Variants in BAZ2B observed in about 807,000 individuals in gnomAD.
BAZ2B encodes bromodomain adjacent to zinc finger domain 2B.
A neutral mutation model predicts 246.0 loss-of-function variants in BAZ2B; 91 were observed. The ratio of observed to expected loss-of-function variants is 0.37; its 90% confidence interval spans 0.31 to 0.44. The LOEUF (loss-of-function observed/expected upper bound fraction) is 0.44. Ranked by LOEUF, BAZ2B falls within the 20% of genes least tolerant of loss-of-function variation. BAZ2B has a pLI of 1.00. For synonymous variants in BAZ2B, 855 were observed against 860.0 expected, an observed-to-expected ratio of 0.99 and a Z score of 0.10; for missense variants, 2,332 against 2,533.7, an observed-to-expected ratio of 0.92 and a Z score of 1.71.
intron 21 of BAZ2B, among the ~76,000 whole-genome samples, 194 bp from the exon 22 acceptor site, chr2:159,386,801 G>A (rs1489530848): frequency 6.6e-6 from 1 of 152,002 alleles, no homozygotes; most frequent in Non-Finnish European, 1.5e-5. Context: ...GTGTCTTGAA[G>A]TATCTTCATA....
chr2:159,629,509 T>C, the BAZ2B span, among the ~76,000 whole-genome samples: 1 of 152,094 alleles, frequency 6.6e-6, no homozygotes, highest in Non-Finnish European at 1.5e-5. Flanking sequence ...AAAGGATGAG[T>C]TCATGTCCTT....
intron 6 of BAZ2B, among the ~76,000 whole-genome samples, chr2:159,443,775 CTT>C (rs2073846498): frequency 6.6e-6 from 1 of 152,090 alleles, no homozygotes; most frequent in African/African-American, 2.4e-5. Flanking sequence ...AGAGGTGCCT[CTT>C]TGAGTTTTCA....
chr2:159,706,538 G>T, the BAZ2B span, among the ~76,000 whole-genome samples: 1 of 152,168 alleles, frequency 6.6e-6, no homozygotes, highest in African/African-American at 2.4e-5. Context: ...GTGTGTGCGT[G>T]TGTGTTTGTG....
intron 25 of BAZ2B, among the ~76,000 whole-genome samples, chr2:159,380,728 A>G (rs1559180824): frequency 6.6e-6 from 1 of 152,190 alleles, no homozygotes; most frequent in African/African-American, 2.4e-5. Flanking sequence ...GGGTACCTAC[A>G]GGTACCAGCC....
intron 1 of BAZ2B, among the ~76,000 whole-genome samples, chr2:159,568,893 T>A (rs558208224): frequency 6.6e-6 from 1 of 152,228 alleles, no homozygotes; most frequent in African/African-American, 2.4e-5. Flanking sequence ...TAAATTTGAT[T>A]AGGCATAAAT....
the BAZ2B span, among the ~76,000 whole-genome samples, chr2:159,711,408 T>G: frequency 6.6e-6 from 1 of 152,218 alleles, no homozygotes. Context: ...ATGTACAGTC[T>G]GTTAGTCCCC....
chr2:159,506,496 A>G (rs1338432935), intron 2 of BAZ2B, among the ~76,000 whole-genome samples: 1 of 152,208 alleles, frequency 6.6e-6, no homozygotes, highest in Non-Finnish European at 1.5e-5. Context: ...GCTTCCAGAA[A>G]GGGTTGATGT....
chr2:159,363,555 C>A (rs1264185722), intron 27 of BAZ2B, among the ~76,000 whole-genome samples: 1 of 152,098 alleles, frequency 6.6e-6, no homozygotes, highest in Admixed American at 6.6e-5. Flanking sequence ...GAGACAGGGT[C>A]TCATGAGATG....
chr2:159,672,996 G>T, the BAZ2B span, among the ~76,000 whole-genome samples: 3 of 152,064 alleles, frequency 2.0e-5, no homozygotes, highest in East Asian at 3.9e-4. Flanking sequence ...TTCATTGAAA[G>T]AAAATATTGA....
chr2:159,563,361 C>A (rs560538522), intron 1 of BAZ2B, among the ~76,000 whole-genome samples: 1 of 152,080 alleles, frequency 6.6e-6, no homozygotes, highest in East Asian at 1.9e-4. Flanking sequence ...GTTTGCAATA[C>A]CATAATTATC....
chr2:159,351,991 C>T (rs574292657), intron 27 of BAZ2B, among the ~76,000 whole-genome samples: 1 of 152,246 alleles, frequency 6.6e-6, no homozygotes, highest in East Asian at 1.9e-4. Flanking sequence ...TCTATGACTA[C>T]CATTTTGCAT....
chr2:159,357,434 A>G (rs749011197), intron 27 of BAZ2B, among the ~76,000 whole-genome samples: 4 of 152,078 alleles, frequency 2.6e-5, no homozygotes, highest in Non-Finnish European at 4.4e-5. Context: ...AAAGAATGAA[A>G]AGAAATGAAC....
chr2:159,667,212 A>G, the BAZ2B span, among the ~76,000 whole-genome samples: 1 of 149,394 alleles, frequency 6.7e-6, no homozygotes, highest in Non-Finnish European at 1.5e-5. Context: ...ATTTAAGTTT[A>G]TAGTTAATTT....
Position 159,386,342 on chromosome 2 carries a change from T to G in BAZ2B, c.3471+11A>C, listed in dbSNP as rs766777591. The G allele has an allele frequency of 6.3e-6, 10 of 1,586,024 alleles. No individual in the cohort carries two copies. Among genetic ancestry groups the G allele is most frequent in the African/African-American group, 2.7e-5 (2 of 73,142 alleles). On this transcript the variant is annotated intron_variant, in intron 22 of 36. Coordinates refer to ENST00000392783, the MANE Select transcript of BAZ2B (RefSeq NM_013450.4). The stretch of plus-strand genomic sequence containing the variant: ...CAAATTTAAAACATTTTATATTTTG[T>G]TTTTTTTTACCTTGTATCCTGTTAT...
At chr2:159,637,762 A>G in the BAZ2B span, among the ~76,000 whole-genome samples, 1 of 152,116 alleles carries the variant, frequency 6.6e-6, no homozygotes, top group Non-Finnish European at 1.5e-5. Flanking sequence ...GGGTTTCACC[A>G]TGTTGACTAC....
At position 159,320,407 on chromosome 2, in the gene BAZ2B, A is replaced by G. The variant is rs750989169; in HGVS notation, c.6365T>C (p.Leu2122Pro). The G allele has an allele frequency of 1.9e-6, 3 of 1,563,060 alleles. No homozygotes were observed. In the East Asian group the frequency reaches 7.1e-5, roughly 37 times the overall value. Reference sequence around the variant, plus strand: ...CCTGACATCTAGAGCAAAGGTTTCAAGGTTTGGATACCTGAAAGAAAACAA... The same window carrying G: ...CCTGACATCTAGAGCAAAGGTTTCAGGGTTTGGATACCTGAAAGAAAACAA... ...EKLSSGQYPN[L>P]ETFALDVRLV... The change falls in exon 37 of 37, where the codon CTT becomes CCT. Residue 2122 changes from leucine (L) to proline (P), a missense_variant. Around this residue, in one of 9 missense-constraint regions of BAZ2B, gnomAD observed 210 missense variants for 232.5 expected, o/e 0.90. Transcript: ENST00000392783.
At chr2:159,540,649 T>A (rs2086551202) in intron 2 of BAZ2B, among the ~76,000 whole-genome samples, 1 of 152,208 alleles carries the variant, frequency 6.6e-6, no homozygotes, top group Admixed American at 6.5e-5. Flanking sequence ...TGGTCTTCAG[T>A]TAGTGAAATA....
chr2:159,496,584 A>G (rs1460922175), intron 2 of BAZ2B, among the ~76,000 whole-genome samples: 1 of 150,606 alleles, frequency 6.6e-6, no homozygotes, highest in African/African-American at 2.4e-5. Flanking sequence ...GGAGTTCGAG[A>G]CCAGCCTGAC....
chr2:159,525,023 AATAAAG>A (rs1223829948), intron 2 of BAZ2B, among the ~76,000 whole-genome samples: 1 of 152,194 alleles, frequency 6.6e-6, no homozygotes, highest in Non-Finnish European at 1.5e-5. Flanking sequence ...CTGTCTCTAA[AATAAAG>A]ATAAATACAT....
Sources: gnomAD v4.1 joint callset for allele counts (sites outside exome capture counted in the v4.1 genomes callset) on GRCh38, gnomAD v4.1.1 for gene constraint, gnomAD v4.1.1 regional missense constraint, MANE v1.5 for transcripts, NCBI Gene and HGNC (gene_info 2026-07-23, HGNC 2026-07-21) for gene names.